COL4A6: variants seen among roughly 807,000 people sequenced by gnomAD.
The protein encoded by COL4A6 is collagen alpha-6(IV) chain.
In COL4A6, 59 loss-of-function variants were observed where a neutral mutation model predicts 126.7. The observed-to-expected ratio is 0.47, with a 90% confidence interval of 0.38 to 0.58. COL4A6 has a LOEUF of 0.58. Ranked by LOEUF, COL4A6 falls within the 20% of genes least tolerant of loss-of-function variation. The pLI, the probability that COL4A6 is intolerant of heterozygous loss-of-function variation, is 0.00. For missense variants in COL4A6, 1,285 were observed against 1,337.3 expected, an observed-to-expected ratio of 0.96 and a Z score of 0.61; for synonymous variants, 547 against 496.6, an observed-to-expected ratio of 1.10 and a Z score of -1.35.
chrX:108,412,513 T>G (rs939694928), intron 2 of COL4A6, among the ~76,000 whole-genome samples: 2 of 111,978 alleles, frequency 1.8e-5, no homozygotes, highest in African/African-American at 6.5e-5. Context: ...TAAGGATGCA[T>G]CGCTGTCATC....
At chrX:108,422,940 G>A (rs901746719) in intron 2 of COL4A6, among the ~76,000 whole-genome samples, 5 of 111,868 alleles carry the variant, frequency 4.5e-5, no homozygotes, top group Admixed American at 1.9e-4. Context: ...GAAGAATTTG[G>A]AAGTTTAAGG....
chrX:108,311,675 G>A (rs1228234851), intron 2 of COL4A6, among the ~76,000 whole-genome samples: 1 of 111,632 alleles, frequency 9.0e-6, no homozygotes, highest in Non-Finnish European at 1.9e-5. Context: ...CATCACTCAG[G>A]TCTCAGTTCA....
rs1337028378 is a variant in COL4A6 at position 108,300,366 on chromosome X, C to CTCTCTG, written c.144+10381_144+10382insCAGAGA. 3.4e-4 allele frequency among the ~76,000 whole-genome samples: 33 copies of CTCTCTG among 98,173 alleles called. No individual in the cohort carries two copies. The East Asian group carries it at 7.0e-3, about 21-fold the overall frequency. 85.3% of individuals were successfully genotyped at this position (98,173 alleles called of 115,157 possible). A position where few individuals can be genotyped will look rare whatever the true frequency, so the allele number is the denominator to read the frequency against. On this transcript the variant is annotated intron_variant, in intron 3 of 44. Coordinates refer to ENST00000334504, the MANE Select transcript of COL4A6 (RefSeq NM_033641.4). Reference sequence around the variant, plus strand: ...AGTTTGGGTCTCTCTCTCTCTCTCTCTGTGTGTGTGTGTGTGTGTGTGTGT... The same window carrying CTCTCTG: ...AGTTTGGGTCTCTCTCTCTCTCTCTCTCTCTGTGTGTGTGTGTGTGTGTGTGTGTGT...
chrX:108,382,986 T>TAATAAC (rs1425703151), intron 2 of COL4A6, among the ~76,000 whole-genome samples: 1 of 103,377 alleles, frequency 9.7e-6, no homozygotes, highest in Non-Finnish European at 2.0e-5. Flanking sequence ...ATAATAATAA[T>TAATAAC]AATAATAATA....
chrX:108,261,789 C>G (rs760804394), intron 3 of COL4A6, among the ~76,000 whole-genome samples: 1 of 111,792 alleles, frequency 8.9e-6, no homozygotes, highest in East Asian at 2.8e-4. Flanking sequence ...AACATTCCAT[C>G]TGATCTATAA....
intron 3 of COL4A6, among the ~76,000 whole-genome samples, chrX:108,291,782 C>A (rs2038168180): frequency 2.7e-5 from 3 of 112,004 alleles, no homozygotes; most frequent in Admixed American, 9.5e-5. Context: ...TAAACAATAT[C>A]TGGGTGAATG....
rs150631571 is a variant in COL4A6, at chrX:108,339,615, T to A, written c.64-28787A>T. The stretch of plus-strand genomic sequence containing the variant: ...AGTAGTAGATAGGTCTTGTGGATGA[T>A]GGCAATATACTTAGGAAATGAACAT... On this transcript the variant is annotated intron_variant, in intron 2 of 44. Coordinates refer to ENST00000334504, the MANE Select transcript of COL4A6 (RefSeq NM_033641.4). Among the ~76,000 whole-genome samples the A allele has an allele frequency of 1.6e-3, 184 of 111,518 alleles. 1 individual carries two copies. The East Asian group carries it at 0.038, about 23-fold the overall frequency.
At chrX:108,310,613 C>T in intron 3 of COL4A6, 135 bp downstream of exon 3, 2 of 491,449 alleles carry the variant, frequency 4.1e-6, no homozygotes, top group East Asian at 3.5e-5. Flanking sequence ...AGCAAAGCTC[C>T]TTCCAGCTGG....
intron 2 of COL4A6, among the ~76,000 whole-genome samples, chrX:108,343,459 G>A (rs1388072204): frequency 1.8e-5 from 2 of 110,311 alleles, no homozygotes; most frequent in South Asian, 3.8e-4. Context: ...TTATAAAATA[G>A]TCCTTCTTTC....
intron 3 of COL4A6, among the ~76,000 whole-genome samples, chrX:108,228,309 T>C (rs1484370116): frequency 2.7e-5 from 3 of 112,265 alleles, no homozygotes; most frequent in Admixed American, 9.4e-5. Context: ...ATGAAACTTA[T>C]AGTTATGTTA....
chrX:108,314,567 T>C (rs186593852), intron 2 of COL4A6, among the ~76,000 whole-genome samples: 2 of 111,862 alleles, frequency 1.8e-5, no homozygotes, highest in Admixed American at 1.9e-4. Flanking sequence ...GACCATAACG[T>C]TTATAAGGGA....
chrX:108,301,622 G>A (rs1258252032), intron 3 of COL4A6, among the ~76,000 whole-genome samples: 1 of 111,566 alleles, frequency 9.0e-6, no homozygotes, highest in African/African-American at 3.3e-5. Context: ...CTATGGAGGG[G>A]AATGGAACAC....
At chrX:108,263,015 G>C (rs1043045559) in intron 3 of COL4A6, among the ~76,000 whole-genome samples, 1 of 111,194 alleles carries the variant, frequency 9.0e-6, no homozygotes, top group African/African-American at 3.3e-5. Flanking sequence ...GCATGGGTGA[G>C]TGATTGCAGC....
intron 3 of COL4A6, among the ~76,000 whole-genome samples, chrX:108,278,647 C>T (rs1181093628): frequency 9.2e-6 from 1 of 108,778 alleles, no homozygotes; most frequent in African/African-American, 3.3e-5. Context: ...GAGAATGCCA[C>T]AAAGATACTC....
chrX:108,177,050 G>GTGA (rs1201509369), intron 27 of COL4A6, 39 bp from the exon 28 acceptor site: 2 of 1,167,061 alleles, frequency 1.7e-6, no homozygotes, highest in Non-Finnish European at 2.3e-6. Flanking sequence ...CAGCTGTCAA[G>GTGA]TGAGGCTCTG....
Position 108,239,451 on chromosome X carries a change from T to C in COL4A6, c.145-18077A>G, listed in dbSNP as rs1192950790. Among the ~76,000 whole-genome samples the C allele has an allele frequency of 5.3e-5, 6 of 112,198 alleles. No individual in the cohort carries two copies. In the East Asian group the frequency reaches 1.7e-3, roughly 31 times the overall value. ...AGGTAATCGAACCAAGAGGATATGA[T>C]AGCATATGCTTAGCATAATGTGGTA... On this transcript the variant is annotated intron_variant, in intron 3 of 44. Coordinates refer to ENST00000334504, the MANE Select transcript of COL4A6 (RefSeq NM_033641.4).
intron 2 of COL4A6, among the ~76,000 whole-genome samples, chrX:108,367,814 G>A (rs1042650069): frequency 2.7e-5 from 3 of 111,136 alleles, no homozygotes; most frequent in Non-Finnish European, 5.7e-5. Flanking sequence ...CTACTATCTC[G>A]ATTTACTGGT....
intron 2 of COL4A6, among the ~76,000 whole-genome samples, chrX:108,320,150 T>G (rs994222861): frequency 5.4e-5 from 6 of 111,527 alleles, no homozygotes; most frequent in Non-Finnish European, 1.9e-5. Context: ...AATAAGAACA[T>G]GAAGGAGTTA....
chrX:108,156,915 C>A lies in COL4A6; in HGVS notation c.*85G>T. The A allele has an allele frequency of 4.1e-6, 4 of 982,091 alleles. No homozygotes were observed. The highest frequency in any genetic ancestry group is 5.7e-6 in the Non-Finnish European group (4 of 705,385). 80.9% of individuals were successfully genotyped at this position (982,091 alleles called of 1,213,427 possible). ...AACTTGACAGGCAAAGGGGCTCAGG[C>A]CTTCCTTCTTCAGACCATTCAGGTT... On this transcript the variant is annotated 3_prime_UTR_variant, in exon 45 of 45. Coordinates refer to ENST00000334504, the MANE Select transcript of COL4A6 (RefSeq NM_033641.4).
Sources: gnomAD v4.1 joint callset for allele counts (sites outside exome capture counted in the v4.1 genomes callset) on GRCh38, gnomAD v4.1.1 for gene constraint, MANE v1.5 for transcripts, NCBI Gene and HGNC (gene_info 2026-07-23, HGNC 2026-07-21) for gene names.